The following THSD4 variants were observed in gnomAD, a reference collection of about 807,000 sequenced individuals.
THSD4 encodes thrombospondin type-1 domain-containing protein 4.
Under a neutral mutation model 119.0 loss-of-function variants are expected in THSD4, and 69 were observed. That is an observed-to-expected ratio of 0.58 (90% CI 0.48 to 0.71). The LOEUF is 0.71. THSD4 is among the 30% of genes least tolerant of loss of function. THSD4 has a pLI of 0.00. For synonymous variants in THSD4, 524 were observed against 540.4 expected (o/e 0.97, Z 0.42); for missense variants, 1,393 against 1,391.1 (o/e 1.00, Z -0.02).
At chr15:71,242,610 C>T (rs747890123) in intron 4 of THSD4, 39 bp from the exon 5 acceptor site, 37 of 1,587,278 alleles carry the variant, frequency 2.3e-5, no homozygotes, top group East Asian at 1.8e-4. Flanking sequence ...GAAATTCATC[C>T]GACTCTGATC....
At chr15:71,663,287 G>A (rs1024624464) in intron 8 of THSD4, among the ~76,000 whole-genome samples, 1 of 151,950 alleles carries the variant, frequency 6.6e-6, no homozygotes, top group African/African-American at 2.4e-5. Context: ...CAATGGAGAG[G>A]TGATTCAAAA....
intron 4 of THSD4, among the ~76,000 whole-genome samples, chr15:71,231,068 C>T (rs1031945102): frequency 6.6e-6 from 1 of 152,212 alleles, no homozygotes; most frequent in African/African-American, 2.4e-5. Flanking sequence ...CCTCCGGGCC[C>T]ACACTGAATA....
At chr15:71,448,718 G>T (rs1425171759) in intron 7 of THSD4, among the ~76,000 whole-genome samples, 4 of 152,136 alleles carry the variant, frequency 2.6e-5, no homozygotes, top group Non-Finnish European at 5.9e-5. Flanking sequence ...TCTCTGCAGG[G>T]ACTTTTAGGA....
At chr15:71,149,102 G>A (rs1043232608) in intron 2 of THSD4, among the ~76,000 whole-genome samples, 3 of 150,606 alleles carry the variant, frequency 2.0e-5, no homozygotes, top group South Asian at 2.1e-4. Context: ...GCAGTGGTGC[G>A]ATCTCAGCTC....
upstream of THSD4, among the ~76,000 whole-genome samples, chr15:71,113,934 TA>T (rs1337470727): frequency 6.7e-6 from 1 of 150,228 alleles, no homozygotes; most frequent in Middle Eastern, 3.2e-3. Context: ...TTTTTTTTTT[TA>T]AATCAGTTCT....
chr15:71,378,184 T>C (rs1164297096), intron 6 of THSD4, among the ~76,000 whole-genome samples: 1 of 152,230 alleles, frequency 6.6e-6, no homozygotes, highest in African/African-American at 2.4e-5. Flanking sequence ...ATGTGTATAT[T>C]TATTAGAACA....
chr15:71,398,782 C>T (rs1231345375), intron 6 of THSD4, among the ~76,000 whole-genome samples: 2 of 152,040 alleles, frequency 1.3e-5, no homozygotes, highest in African/African-American at 4.8e-5. Context: ...AGGGCAGACC[C>T]ATGCAGTTCT....
At chr15:71,576,334 A>T (rs2049448233) in intron 7 of THSD4, among the ~76,000 whole-genome samples, 1 of 152,126 alleles carries the variant, frequency 6.6e-6, no homozygotes, top group African/African-American at 2.4e-5. Flanking sequence ...ATTAAAAACC[A>T]TGTTTGTTTG....
At chr15:71,702,066 A>G (rs2052301115) in intron 8 of THSD4, among the ~76,000 whole-genome samples, 1 of 152,198 alleles carries the variant, frequency 6.6e-6, no homozygotes, top group Non-Finnish European at 1.5e-5. Flanking sequence ...CTGAACTGAC[A>G]GTCTTCAGAA....
At chr15:71,496,080 C>A (rs895227106) in intron 7 of THSD4, among the ~76,000 whole-genome samples, 2 of 152,178 alleles carry the variant, frequency 1.3e-5, no homozygotes, top group Non-Finnish European at 2.9e-5. Context: ...TAGCTAAATA[C>A]CATCCTTTGG....
At chr15:71,410,574 T>C (rs1265140799) in intron 6 of THSD4, among the ~76,000 whole-genome samples, 1 of 152,112 alleles carries the variant, frequency 6.6e-6, no homozygotes, top group African/African-American at 2.4e-5. Flanking sequence ...GTAGGCGAGG[T>C]TCCGCTCTTG....
In THSD4 at chr15:71,131,469, G is replaced by GA. The variant is rs1238641263; in HGVS notation, c.-79-9965dup. 7.0e-3 allele frequency among the ~76,000 whole-genome samples: 789 copies of GA among 113,146 alleles called. 5 individuals are homozygous for GA. Among genetic ancestry groups the GA allele is most frequent in the Non-Finnish European group, 9.8e-3 (534 of 54,486 alleles). The allele number at this position is 113,146 out of a possible 152,430, so 74.2% of individuals were successfully genotyped here. On this transcript the variant is annotated intron_variant, in intron 1 of 17. Coordinates refer to ENST00000261862, the MANE Select transcript of THSD4 (RefSeq NM_024817.3). ...AGTCTCACAGAGCGAGACTCCATCT[G>GA]AAAAAAAAAAAAAAATCATTTCAAA... is the stretch of plus-strand genomic sequence containing the variant.
rs558383358 is a variant in THSD4, at chr15:71,757,909, C to T, written c.2423C>T (p.Ala808Val). Residue 808 changes from alanine to valine, a missense_variant, in exon 15 of 18, where the codon GCG becomes GTG. By Grantham distance (64) the Ala-to-Val change is moderately conservative. Coordinates refer to ENST00000261862, the MANE Select transcript of THSD4 (RefSeq NM_024817.3). ...CCTTCCCCTGTCTCACAGTGCTCAG[C>T]GGAGTGTGGGGCCGGAGTGCGGACA... ...FLTEWSERCS[A>V]ECGAGVRTRS... 3.2e-5 allele frequency: 51 copies of T among 1,613,436 alleles called. No individual in the cohort carries two copies. The highest frequency in any genetic ancestry group is 4.5e-5 in the East Asian group (2 of 44,876).
intron 11 of THSD4, among the ~76,000 whole-genome samples, chr15:71,743,393 A>G (rs1383450933): frequency 2.6e-5 from 4 of 152,276 alleles, no homozygotes; most frequent in Non-Finnish European, 4.4e-5. Flanking sequence ...AGGAAAAGGA[A>G]TAGGCTAAAT....
rs139682312 is a variant in THSD4 at position 71,545,734 on chromosome 15, C to G, written c.1153-114796C>G. Among the ~76,000 whole-genome samples, 1,155 of 152,242 alleles carry G rather than the reference C, an allele frequency of 7.6e-3. 8 individuals are homozygous for G. The highest frequency in any genetic ancestry group is 0.013 in the Non-Finnish European group (851 of 68,010). The stretch of plus-strand genomic sequence containing the variant: ...GAAGGAGGAAGAGGAAAAATTCATT[C>G]CTTTCTTTCCTTAACTGGAGATATT... On this transcript the variant is annotated intron_variant, in intron 7 of 17. Coordinates refer to ENST00000261862, the MANE Select transcript of THSD4 (RefSeq NM_024817.3).
intron 2 of THSD4, among the ~76,000 whole-genome samples, chr15:71,145,873 CAGG>C (rs2040655923): frequency 6.6e-6 from 1 of 151,208 alleles, no homozygotes; most frequent in Admixed American, 6.6e-5. Context: ...GGAGGAGGAG[CAGG>C]AGGAGGAGGG....
At chr15:71,636,362 G>C (rs556253139) in intron 7 of THSD4, among the ~76,000 whole-genome samples, 1 of 152,270 alleles carries the variant, frequency 6.6e-6, no homozygotes, top group South Asian at 2.1e-4. Context: ...GGCAGAGGTT[G>C]CAGTGAGCCG....
upstream of THSD4, chr15:71,111,030 G>A: frequency 8.6e-7 from 1 of 1,156,856 alleles, no homozygotes; most frequent in Non-Finnish European, 1.2e-6. Flanking sequence ...AGGAGAAGCA[G>A]CCTCGGATCC....
At chr15:71,432,004 C>G (rs1596050) in intron 7 of THSD4, among the ~76,000 whole-genome samples, 1 of 151,740 alleles carries the variant, frequency 6.6e-6, no homozygotes, top group African/African-American at 2.4e-5. Context: ...ATTTTGTCTC[C>G]ACACAAAGAG....
Sources: gnomAD v4.1 joint callset for allele counts (sites outside exome capture counted in the v4.1 genomes callset) on GRCh38, gnomAD v4.1.1 for gene constraint, MANE v1.5 for transcripts, NCBI Gene and HGNC (gene_info 2026-07-23, HGNC 2026-07-21) for gene names.